DPP10: variants seen among roughly 807,000 people sequenced by gnomAD.
The protein encoded by DPP10 is dipeptidyl peptidase like 10, also known as inactive dipeptidyl peptidase 10.
A neutral mutation model predicts 120.9 loss-of-function variants in DPP10; 33 were observed. That is an observed-to-expected ratio of 0.27 (90% confidence interval 0.21 to 0.37). DPP10 has a LOEUF of 0.37. DPP10 is among the 10% of genes least tolerant of loss of function. The pLI, the probability that DPP10 is intolerant of heterozygous loss-of-function variation, is 1.00. For synonymous variants in DPP10, 337 were observed against 326.1 expected, an observed-to-expected ratio of 1.03 and a Z score of -0.36; for missense variants, 816 against 942.8, an observed-to-expected ratio of 0.87 and a Z score of 1.76.
chr2:114,961,446 TGC>T (rs1437522886), intron 1 of DPP10, among the ~76,000 whole-genome samples: 21 of 126,348 alleles, frequency 1.7e-4, no homozygotes, highest in African/African-American at 5.0e-4. Context: ...TGTGTTTGAA[TGC>T]GTGTGTGTGT....
chr2:115,770,645 G>A (rs1044944496), intron 13 of DPP10, among the ~76,000 whole-genome samples: 17 of 151,972 alleles, frequency 1.1e-4, no homozygotes, highest in African/African-American at 4.1e-4. Context: ...TGTTATTTTA[G>A]GAAATGGTTT....
At chr2:115,475,095 G>T (rs570797741) in intron 3 of DPP10, among the ~76,000 whole-genome samples, 1 of 152,242 alleles carries the variant, frequency 6.6e-6, no homozygotes, top group African/African-American at 2.4e-5. Flanking sequence ...TGAGGAACCA[G>T]TTGCCAATAG....
At chr2:114,526,746 C>T (rs1685533188) in intron 1 of DPP10, among the ~76,000 whole-genome samples, 1 of 152,088 alleles carries the variant, frequency 6.6e-6, no homozygotes, top group South Asian at 2.1e-4. Context: ...TATAAGAGCA[C>T]TAATCCCATT....
rs115397880 is a variant in DPP10, at chr2:115,571,195, A to G, written c.441+45223A>G. Among the ~76,000 whole-genome samples the G allele has an allele frequency of 6.9e-3, 1,049 of 152,342 alleles. 14 individuals are homozygous for G. The highest frequency in any genetic ancestry group is 0.021 in the South Asian group (102 of 4,830). On this transcript the variant is annotated intron_variant, in intron 5 of 25. Coordinates refer to ENST00000410059, the MANE Select transcript of DPP10 (RefSeq NM_020868.6). ...AATGCAAAAACTATCAAAGTAGCCA[A>G]TCACTCTTTGTCTTTGATTGTTGCC...
Position 114,566,774 on chromosome 2 carries a change from A to G in DPP10, c.60+123936A>G, listed in dbSNP as rs1689234591. On this transcript the variant is annotated intron_variant, in intron 1 of 25. Transcript: ENST00000410059. ...GTCTAGAGTCCTGGGTCTTCATCCC[A>G]GCTCTTCCTCAACCAAACATGTGTC... Among the ~76,000 whole-genome samples, 3 of 152,210 alleles carry G rather than the reference A, an allele frequency of 2.0e-5. No homozygotes were observed. The South Asian group carries it at 6.2e-4, about 32-fold the overall frequency.
At chr2:115,374,061 T>C (rs2065609063) in intron 3 of DPP10, among the ~76,000 whole-genome samples, 1 of 151,980 alleles carries the variant, frequency 6.6e-6, no homozygotes. Context: ...CAACATGAAA[T>C]TTGGGTGGGG....
At chr2:115,624,657 T>C (rs1278409904) in intron 5 of DPP10, among the ~76,000 whole-genome samples, 8 of 152,220 alleles carry the variant, frequency 5.3e-5, no homozygotes, top group Admixed American at 3.9e-4. Context: ...ATAATACTTA[T>C]TTCAGTTATT....
chr2:115,601,235 G>C (rs576697334), intron 5 of DPP10, among the ~76,000 whole-genome samples: 1 of 152,160 alleles, frequency 6.6e-6, no homozygotes, highest in Non-Finnish European at 1.5e-5. Flanking sequence ...TTAAGTAAGC[G>C]TGATGAATCT....
chr2:115,423,632 A>T (rs1031081597), intron 3 of DPP10, among the ~76,000 whole-genome samples: 10 of 152,246 alleles, frequency 6.6e-5, no homozygotes, highest in Admixed American at 4.6e-4. Flanking sequence ...ATGAGTTAAG[A>T]AAATTTTTAC....
chr2:115,066,776 C>G (rs1573486431), intron 1 of DPP10: 1 of 152,250 alleles, frequency 6.6e-6, no homozygotes, highest in South Asian at 2.1e-4. Flanking sequence ...TTTTCCCTAA[C>G]TTTGTCAAAG....
At chr2:115,128,358 C>G (rs1448609505) in intron 1 of DPP10, among the ~76,000 whole-genome samples, 1 of 152,152 alleles carries the variant, frequency 6.6e-6, no homozygotes, top group Admixed American at 6.5e-5. Flanking sequence ...GTTCAAACTC[C>G]TTATTAATGC....
intron 5 of DPP10, among the ~76,000 whole-genome samples, chr2:115,674,388 T>G (rs1173654517): frequency 6.6e-6 from 1 of 151,808 alleles, no homozygotes; most frequent in Non-Finnish European, 1.5e-5. Context: ...TCATGATGTT[T>G]TTTTTTTTTT....
At chr2:115,825,902 A>C (rs546139185) in intron 21 of DPP10, among the ~76,000 whole-genome samples, 1 of 152,348 alleles carries the variant, frequency 6.6e-6, no homozygotes, top group South Asian at 2.1e-4. Context: ...AGCTGGGCAG[A>C]AGAGGCTGGT....
intron 1 of DPP10, among the ~76,000 whole-genome samples, chr2:114,833,064 AT>A (rs1687281854): frequency 6.6e-6 from 1 of 152,038 alleles, no homozygotes; most frequent in Non-Finnish European, 1.5e-5. Context: ...TAAAAAAGAA[AT>A]TTTTTTAGAC....
chr2:115,664,253 C>G (rs1364331131), intron 5 of DPP10, among the ~76,000 whole-genome samples: 1 of 151,492 alleles, frequency 6.6e-6, no homozygotes, highest in African/African-American at 2.4e-5. Flanking sequence ...GAATATAATA[C>G]ATAAGGTACC....
intron 5 of DPP10, among the ~76,000 whole-genome samples, chr2:115,593,203 G>A (rs1011309971): frequency 1.3e-5 from 2 of 152,160 alleles, no homozygotes; most frequent in Non-Finnish European, 2.9e-5. Flanking sequence ...CATTGCAGAT[G>A]GGCTTTGCCT....
intron 3 of DPP10, among the ~76,000 whole-genome samples, chr2:115,436,883 C>T (rs1049967327): frequency 6.6e-6 from 1 of 151,766 alleles, no homozygotes; most frequent in African/African-American, 2.4e-5. Flanking sequence ...ATAATTTATT[C>T]TACCCCAATA....
intron 1 of DPP10, among the ~76,000 whole-genome samples, chr2:114,813,941 A>AACACACACACACAC (rs375858356): frequency 1.4e-5 from 2 of 139,480 alleles, no homozygotes; most frequent in East Asian, 2.1e-4. Context: ...GGCACGCATG[A>AACACACACACACAC]ACACACACAC....
chr2:115,048,893 C>T lies in DPP10; in HGVS notation c.61-260346C>T, dbSNP rs548400032. Among the ~76,000 whole-genome samples the T allele has an allele frequency of 1.4e-4, 21 of 152,046 alleles. No homozygotes were observed. The South Asian group carries it at 4.1e-3, about 30-fold the overall frequency. The stretch of plus-strand genomic sequence containing the variant: ...GCATGTATAATTCATTATGTTTCTC[C>T]CTATTTTAACAGTTGTCATTTACTG... On this transcript the variant is annotated intron_variant, in intron 1 of 25. Transcript: ENST00000410059.
Sources: allele counts gnomAD v4.1 joint callset (sites outside exome capture counted in the v4.1 genomes callset), GRCh38; gene constraint gnomAD v4.1.1; transcripts MANE v1.5; gene names NCBI Gene and HGNC (gene_info 2026-07-23, HGNC 2026-07-21).